The following NRG1 variants were observed in gnomAD, a reference collection of about 807,000 sequenced individuals.
NRG1 encodes the protein neuregulin 1, also known as pro-neuregulin-1, membrane-bound isoform.
A neutral mutation model predicts 63.8 loss-of-function variants in NRG1; 18 were observed. That is an observed-to-expected ratio of 0.28 (90% CI 0.19 to 0.42). The LOEUF (loss-of-function observed/expected upper bound fraction) is 0.42. Among genes scored for constraint, NRG1 ranks in the 10% least tolerant of loss-of-function variants. The pLI is 1.00. For synonymous variants in NRG1, 302 were observed against 301.3 expected, an observed-to-expected ratio of 1.00 and a Z score of -0.02; for missense variants, 762 against 814.7, an observed-to-expected ratio of 0.94 and a Z score of 0.79.
chr8:32,212,999 T>G (rs1844845387), intron 1 of NRG1, among the ~76,000 whole-genome samples: 1 of 152,204 alleles, frequency 6.6e-6, no homozygotes. Flanking sequence ...TTATCACCAG[T>G]TCCCCTAAAC....
chr8:31,851,943 CT>C (rs1827275639), intron 1 of NRG1, among the ~76,000 whole-genome samples: 1 of 150,282 alleles, frequency 6.7e-6, no homozygotes. Flanking sequence ...TGAACTCATC[CT>C]TTTTTATGGC....
At chr8:32,621,503 C>T (rs1290139621) in intron 5 of NRG1, among the ~76,000 whole-genome samples, 1 of 152,140 alleles carries the variant, frequency 6.6e-6, no homozygotes, top group Admixed American at 6.5e-5. Flanking sequence ...ATTTTGCAGA[C>T]AATTCTGTTG....
chr8:32,161,258 A>C (rs1411663858), intron 1 of NRG1, among the ~76,000 whole-genome samples: 1 of 152,162 alleles, frequency 6.6e-6, no homozygotes, highest in Admixed American at 6.5e-5. Flanking sequence ...TTCTCATCTC[A>C]AATTCCGAAT....
At chr8:32,027,458 TTCCTTCCTTCCC>T (rs1228749147) in intron 1 of NRG1, among the ~76,000 whole-genome samples, 16 of 61,994 alleles carry the variant, frequency 2.6e-4, no homozygotes, top group East Asian at 4.8e-4. Flanking sequence ...CCTTCCTTCC[TTCCTTCCTTCCC>T]TCCCTCCCTC....
At position 32,698,926 on chromosome 8, in the gene NRG1, T is replaced by C. The variant is rs553517546; in HGVS notation, c.503-29023T>C. The stretch of plus-strand genomic sequence containing the variant: ...ACCTCCAGACAGAACTTCACCTAGA[T>C]AGACTAAGGGAATGTATTCCTTATT... On this transcript the variant is annotated intron_variant, in intron 5 of 11. Transcript: ENST00000356819. Among the ~76,000 whole-genome samples the C allele has an allele frequency of 5.9e-5, 9 of 152,312 alleles. 1 individual carries two copies. Among genetic ancestry groups the C allele is most frequent in the African/African-American group, 1.9e-4 (8 of 41,570 alleles).
upstream of NRG1, among the ~76,000 whole-genome samples, chr8:32,546,644 T>A (rs1833100742): frequency 6.6e-6 from 1 of 152,224 alleles, no homozygotes; most frequent in African/African-American, 2.4e-5. Context: ...GCTGTCTTTA[T>A]AGCCCAGTGA....
chr8:32,757,491 A>G (rs942642044), intron 9 of NRG1, among the ~76,000 whole-genome samples: 3 of 152,214 alleles, frequency 2.0e-5, no homozygotes, highest in Non-Finnish European at 4.4e-5. Flanking sequence ...GGTGGTTACT[A>G]AACTATCAGC....
At chr8:32,645,679 T>C (rs914480068) in intron 5 of NRG1, among the ~76,000 whole-genome samples, 1 of 152,150 alleles carries the variant, frequency 6.6e-6, no homozygotes, top group African/African-American at 2.4e-5. Context: ...CTATGTAGTA[T>C]AGATTTAGAG....
At chr8:32,053,628 A>T (rs924674598) in intron 1 of NRG1, among the ~76,000 whole-genome samples, 1 of 152,204 alleles carries the variant, frequency 6.6e-6, no homozygotes, top group African/African-American at 2.4e-5. Flanking sequence ...CACATGTATT[A>T]AAAGTGACAG....
At chr8:32,633,835 GTTGC>G (rs1200693627) in intron 5 of NRG1, among the ~76,000 whole-genome samples, 1 of 151,976 alleles carries the variant, frequency 6.6e-6, no homozygotes, top group Non-Finnish European at 1.5e-5. Flanking sequence ...AACGAATGAA[GTTGC>G]TTAAGGCCGG....
At chr8:31,948,112 A>G (rs1802912749) in intron 1 of NRG1, among the ~76,000 whole-genome samples, 1 of 152,192 alleles carries the variant, frequency 6.6e-6, no homozygotes, top group Admixed American at 6.5e-5. Flanking sequence ...ACATATGTAT[A>G]TATGTGTATG....
At chr8:32,076,351 T>C (rs1199007151) in intron 1 of NRG1, among the ~76,000 whole-genome samples, 1 of 152,208 alleles carries the variant, frequency 6.6e-6, no homozygotes, top group African/African-American at 2.4e-5. Context: ...GTATTTCAAA[T>C]GGATAAATAA....
intron 1 of NRG1, among the ~76,000 whole-genome samples, chr8:31,917,629 T>A (rs1249220540): frequency 6.6e-6 from 1 of 152,194 alleles, no homozygotes; most frequent in Admixed American, 6.5e-5. Flanking sequence ...TAGTTGGAAG[T>A]CAGGTAACGT....
chr8:32,749,341 T>C (rs1256528470), intron 7 of NRG1: 2 of 609,542 alleles, frequency 3.3e-6, no homozygotes, highest in Non-Finnish European at 5.8e-6. Context: ...CACAGTGTGC[T>C]GGTATTTTGC....
chr8:31,648,306 G>A (rs1804500519), intron 1 of NRG1, among the ~76,000 whole-genome samples: 1 of 151,544 alleles, frequency 6.6e-6, no homozygotes, highest in Non-Finnish European at 1.5e-5. Context: ...GCTAATTTTT[G>A]TATTTTTAGT....
At chr8:31,875,792 T>C (rs571608870) in intron 1 of NRG1, among the ~76,000 whole-genome samples, 2 of 152,318 alleles carry the variant, frequency 1.3e-5, no homozygotes, top group Admixed American at 6.5e-5. Context: ...GGTTTTCATC[T>C]GAAGGCAAGT....
chr8:32,211,215 A>G (rs1353563690), intron 1 of NRG1, among the ~76,000 whole-genome samples: 1 of 152,236 alleles, frequency 6.6e-6, no homozygotes, highest in African/African-American at 2.4e-5. Context: ...TACACAGTAT[A>G]TCTTGGAGAT....
intron 1 of NRG1, among the ~76,000 whole-genome samples, chr8:32,496,841 A>G (rs527396276): frequency 7.2e-5 from 11 of 152,296 alleles, no homozygotes; most frequent in African/African-American, 2.6e-4. Context: ...TAGAAATTAA[A>G]TTATATTTAG....
intron 1 of NRG1, among the ~76,000 whole-genome samples, chr8:31,805,182 A>C (rs758910570): frequency 6.6e-6 from 1 of 152,108 alleles, no homozygotes; most frequent in Non-Finnish European, 1.5e-5. Flanking sequence ...GTAATGAATA[A>C]ATCTGGATTT....
Sources: gnomAD v4.1 joint callset for allele counts (sites outside exome capture counted in the v4.1 genomes callset) on GRCh38, gnomAD v4.1.1 for gene constraint, MANE v1.5 for transcripts, NCBI Gene and HGNC (gene_info 2026-07-23, HGNC 2026-07-21) for gene names.